Variants in STK3 observed in about 807,000 individuals in gnomAD.
STK3 encodes the protein serine/threonine-protein kinase 3.
STK3 carries 41 observed loss-of-function variants against 58.0 expected under a neutral mutation model. The observed-to-expected ratio is 0.71, with a 90% CI of 0.55 to 0.92. The LOEUF is 0.92. STK3 is among the 40% of genes least tolerant of loss of function. The pLI is 0.00. For missense variants in STK3, 479 were observed against 602.7 expected, an observed-to-expected ratio of 0.79 and a Z score of 2.15; for synonymous variants, 170 against 191.0, an observed-to-expected ratio of 0.89 and a Z score of 0.91.
rs1818414605 is a variant in STK3, at chr8:98,622,601, A to T, written c.685-26432T>A. 2.6e-5 allele frequency among the ~76,000 whole-genome samples: 4 copies of T among 152,222 alleles called. No homozygotes were observed. In the South Asian group the frequency reaches 8.3e-4, roughly 31 times the overall value. ...ATTATCGAGGACCGAGTTCAAGAAG[A>T]ACTATATTAATACATAGATTTCTGT... On this transcript the variant is annotated intron_variant, in intron 6 of 10. Coordinates refer to ENST00000419617, the MANE Select transcript of STK3 (RefSeq NM_006281.4).
intron 3 of STK3, among the ~76,000 whole-genome samples, chr8:98,864,067 C>T (rs1254692399): frequency 1.3e-5 from 2 of 151,622 alleles, no homozygotes; most frequent in Non-Finnish European, 2.9e-5. Flanking sequence ...GGTGTGGTGG[C>T]GGGTGCCTGT....
At chr8:98,514,167 T>C (rs1345280086) in intron 10 of STK3, among the ~76,000 whole-genome samples, 1 of 152,038 alleles carries the variant, frequency 6.6e-6, no homozygotes, top group African/African-American at 2.4e-5. Context: ...GCCAACAGTC[T>C]TAGGCCACTT....
intron 3 of STK3, among the ~76,000 whole-genome samples, chr8:98,752,633 A>C (rs1830052808): frequency 6.6e-6 from 1 of 152,172 alleles, no homozygotes; most frequent in African/African-American, 2.4e-5. Flanking sequence ...TCTGTACAGC[A>C]AAAGAAACTA....
chr8:98,504,523 G>C (rs931950810), intron 10 of STK3, among the ~76,000 whole-genome samples: 3 of 152,190 alleles, frequency 2.0e-5, no homozygotes, highest in Admixed American at 1.3e-4. Context: ...TGCAGTGGCT[G>C]GTACCAGTTG....
downstream of STK3, among the ~76,000 whole-genome samples, chr8:98,451,590 G>C (rs1158844009): frequency 6.6e-6 from 1 of 152,204 alleles, no homozygotes; most frequent in Admixed American, 6.5e-5. Context: ...TGTGAGAAGA[G>C]CATGAAGTAG....
At chr8:98,929,810 T>A (rs142721173) in intron 1 of STK3, among the ~76,000 whole-genome samples, 51 of 152,328 alleles carry the variant, frequency 3.3e-4, no homozygotes, top group African/African-American at 1.2e-3. Flanking sequence ...TTTCTCTGTC[T>A]TCCCATAAAC....
chr8:98,518,315 CT>C (rs975581466), intron 10 of STK3, among the ~76,000 whole-genome samples: 4 of 152,142 alleles, frequency 2.6e-5, no homozygotes, highest in African/African-American at 7.2e-5. Context: ...TTTCAGTAGA[CT>C]TTGCCTAGAC....
At chr8:98,426,960 A>ACCGCG (rs1818242299) in intron 3 of STK3, 1 of 150,152 alleles carries the variant, frequency 6.7e-6, no homozygotes, top group African/African-American at 2.4e-5. Flanking sequence ...GTTCAGCACC[A>ACCGCG]CCGCGCCGCG....
chr8:98,547,986 T>C lies in STK3; in HGVS notation c.1124A>G (p.Glu375Gly). The C allele has an allele frequency of 6.3e-7, 1 of 1,592,462 alleles. No homozygotes were observed. Among genetic ancestry groups the C allele is most frequent in the Non-Finnish European group, 8.5e-7 (1 of 1,172,308 alleles). Residue 375 changes from glutamate to glycine, a missense_variant, in exon 9 of 11, where the codon GAA becomes GGA. Transcript: ENST00000419617. ...MVINSEDEEE[E>G]DGTMKRNATS... ...CCACATACTTTTCATAGTTCCATCT[T>C]CTTCTTCCTCATCCTCACTGTTTAT...
chr8:98,691,186 T>C (rs1021187898), intron 6 of STK3, among the ~76,000 whole-genome samples: 3 of 152,058 alleles, frequency 2.0e-5, no homozygotes, highest in African/African-American at 7.2e-5. Context: ...GTAACAAACC[T>C]GCACATGTAC....
chr8:98,535,038 A>T (rs955082851), intron 9 of STK3, among the ~76,000 whole-genome samples: 2 of 152,226 alleles, frequency 1.3e-5, no homozygotes, highest in Non-Finnish European at 2.9e-5. Context: ...GTTTTCATCA[A>T]GAAGTCTTAA....
chr8:98,819,835 C>T (rs1009498163), intron 1 of STK3, among the ~76,000 whole-genome samples: 1 of 152,146 alleles, frequency 6.6e-6, no homozygotes, highest in Non-Finnish European at 1.5e-5. Context: ...AAATGACATC[C>T]ACCCCTCTTC....
At chr8:98,781,701 C>T (rs1832098856) in intron 1 of STK3, among the ~76,000 whole-genome samples, 1 of 152,108 alleles carries the variant, frequency 6.6e-6, no homozygotes, top group South Asian at 2.1e-4. Flanking sequence ...AACCACAAGA[C>T]AACTTGCTTA....
At chr8:98,877,325 G>A (rs939993805) in intron 3 of STK3, among the ~76,000 whole-genome samples, 12 of 152,082 alleles carry the variant, frequency 7.9e-5, no homozygotes, top group African/African-American at 2.9e-4. Flanking sequence ...TCTAGCTCAG[G>A]AGACTATACA....
the STK3 span, among the ~76,000 whole-genome samples, chr8:98,356,317 G>A: frequency 6.6e-6 from 1 of 152,182 alleles, no homozygotes. Context: ...TTGGACAGGG[G>A]TGGTGCCCAG....
chr8:98,783,617 G>T (rs903058815), intron 1 of STK3, among the ~76,000 whole-genome samples: 2 of 152,122 alleles, frequency 1.3e-5, no homozygotes, highest in African/African-American at 4.8e-5. Flanking sequence ...AATGAAGTTT[G>T]CCACATCAAT....
chr8:98,643,599 T>A (rs1820185376), intron 6 of STK3, among the ~76,000 whole-genome samples: 1 of 152,258 alleles, frequency 6.6e-6, no homozygotes, highest in Non-Finnish European at 1.5e-5. Flanking sequence ...ATATTTATTA[T>A]GTCTAACCCA....
chr8:98,876,752 G>A (rs1043688763), intron 3 of STK3, among the ~76,000 whole-genome samples: 3 of 152,222 alleles, frequency 2.0e-5, no homozygotes, highest in Non-Finnish European at 2.9e-5. Flanking sequence ...GAAGCTGTGC[G>A]AAAGTGAGAA....
intron 4 of STK3, among the ~76,000 whole-genome samples, chr8:98,738,224 T>C (rs1305282478): frequency 1.3e-5 from 2 of 152,108 alleles, no homozygotes; most frequent in South Asian, 4.1e-4. Flanking sequence ...ATGCCTCTAA[T>C]CTCAACACTT....
Sources: allele counts gnomAD v4.1 joint callset (sites outside exome capture counted in the v4.1 genomes callset), GRCh38; gene constraint gnomAD v4.1.1; transcripts MANE v1.5; gene names NCBI Gene and HGNC (gene_info 2026-07-23, HGNC 2026-07-21).